Variants in MIDEAS observed in about 807,000 individuals in gnomAD.
MIDEAS encodes the protein mitotic deacetylase-associated SANT domain protein.
A neutral mutation model predicts 102.7 loss-of-function variants in MIDEAS; 26 were observed. The ratio of observed to expected loss-of-function variants is 0.25; its 90% CI spans 0.19 to 0.35. The LOEUF (loss-of-function observed/expected upper bound fraction) is 0.35. Among genes scored for constraint, MIDEAS ranks in the 10% least tolerant of loss-of-function variants. The probability of loss-of-function intolerance (pLI) is 1.00; values close to 1 mark genes in which losing one functional copy is unlikely to be tolerated. For missense variants in MIDEAS, 1,231 were observed against 1,435.6 expected (o/e 0.86, Z 2.30); for synonymous variants, 585 against 591.0 (o/e 0.99, Z 0.15).
intron 1 of MIDEAS, among the ~76,000 whole-genome samples, chr14:73,756,253 C>T (rs963156804): frequency 1.4e-5 from 2 of 146,026 alleles, no homozygotes; most frequent in Admixed American, 1.4e-4. Flanking sequence ...TGTGTGACTG[C>T]GAGAGCCCAT....
chr14:73,761,173 G>A (rs1158038649), upstream of MIDEAS, among the ~76,000 whole-genome samples: 1 of 152,154 alleles, frequency 6.6e-6, no homozygotes, highest in African/African-American at 2.4e-5. Context: ...AAAAACCACC[G>A]AAGAATACCA....
At position 73,725,583 on chromosome 14, in the gene MIDEAS, GAT is replaced by G. The variant is rs2053050349; in HGVS notation, c.2486-225_2486-224del. Among the ~76,000 whole-genome samples the G allele has an allele frequency of 6.6e-6, 1 of 152,222 alleles. No individual in the cohort carries two copies. Among genetic ancestry groups the G allele is most frequent in the African/African-American group, 2.4e-5 (1 of 41,464 alleles). Reference sequence around the variant, plus strand: ...ACCAGCTGTGGTGAGGATTAAATAAGATAATGCATGTGAAACCCTTGGTGCTC... The same window carrying G: ...ACCAGCTGTGGTGAGGATTAAATAAGAATGCATGTGAAACCCTTGGTGCTC... On this transcript the variant is annotated intron_variant, in intron 8 of 12. Transcript: ENST00000423556. The surrounding 1 kb of genome is among the most constrained non-coding windows in gnomAD (Gnocchi z 4.1).
chr14:73,737,342 A>T (rs1479571591), intron 2 of MIDEAS, 45 bp from the exon 3 acceptor site: 4 of 1,568,890 alleles, frequency 2.5e-6, no homozygotes. Flanking sequence ...GGTAAGTCAT[A>T]GCCAGGCGCA....
chr14:73,782,427 A>G (rs1459533563), intron 1 of MIDEAS, among the ~76,000 whole-genome samples: 1 of 152,204 alleles, frequency 6.6e-6, no homozygotes, highest in African/African-American at 2.4e-5. Flanking sequence ...GTGCAGTGGC[A>G]TGCAATCCTC....
chr14:73,720,772 G>A (rs2052978854), intron 11 of MIDEAS, among the ~76,000 whole-genome samples: 1 of 152,206 alleles, frequency 6.6e-6, no homozygotes, highest in African/African-American at 2.4e-5. Context: ...CCCATCTGCA[G>A]AGTAGAGGTT....
chr14:73,737,773 CTTTTTTTTTTT>C (rs5809628), intron 2 of MIDEAS, among the ~76,000 whole-genome samples: 8,721 of 89,578 alleles, frequency 0.097, 996 homozygotes, highest in African/African-American at 0.31. Flanking sequence ...TCTCCGACCA[CTTTTTTTTTTT>C]TTTTTTTTTT....
At position 73,718,910 on chromosome 14, in the gene MIDEAS, G is replaced by T; in HGVS notation, c.3233C>A (p.Ala1078Asp). ...CTGGTGGGCGGCGGCGGCGGCAGCA[G>T]CGGCCTCTTTCTCCTTCAGCCTCAG... Reference protein sequence around the residue: ...AALRLKEKEAAAAAAAAHQQA... With the variant: ...AALRLKEKEADAAAAAAHQQA... The change falls in exon 13 of 13, where the codon GCT (alanine) becomes GAT (aspartate). Residue 1078 changes from alanine to aspartate, a missense_variant. Physicochemically the swap from Ala to Asp is moderately radical, Grantham distance 126 (BLOSUM62 -2). Transcript: ENST00000423556. 1 of 1,523,926 alleles carries T rather than the reference G, an allele frequency of 6.6e-7. No individual in the cohort carries two copies. The highest frequency in any genetic ancestry group is 1.4e-5 in the African/African-American group (1 of 71,998). The allele number at this position is 1,523,926 out of a possible 1,614,324, so 94.4% of individuals were successfully genotyped here.
At chr14:73,785,373 G>C (rs147089120) in intron 1 of MIDEAS, among the ~76,000 whole-genome samples, 1 of 152,168 alleles carries the variant, frequency 6.6e-6, no homozygotes, top group East Asian at 1.9e-4. Context: ...GCTCTGGTCT[G>C]TGCCACAGTC....
rs768514814 is a variant in MIDEAS, at chr14:73,727,508, G to T, written c.2112C>A (p.Thr704=). The change falls in exon 5 of 13, where the codon ACC becomes ACA. Residue 704 remains threonine (T), a synonymous_variant. Coordinates refer to ENST00000423556, the MANE Select transcript of MIDEAS (RefSeq NM_001367710.1). ...TLLRTNSAEV[T]PPVLSVMGEA... ...CCCCCATCACAGAGAGGACAGGCGG[G>T]GTTACTTCAGCACTGTCTATGGGAC... 2.5e-6 allele frequency: 4 copies of T among 1,612,508 alleles called. No individual in the cohort carries two copies. The highest frequency in any genetic ancestry group is 3.4e-6 in the Non-Finnish European group (4 of 1,179,376).
intron 1 of MIDEAS, among the ~76,000 whole-genome samples, chr14:73,750,089 TC>T (rs796629817): frequency 7.9e-5 from 12 of 152,294 alleles, no homozygotes; most frequent in African/African-American, 2.9e-4. Flanking sequence ...AAAAGACAGA[TC>T]CTTCCCAAAA....
At chr14:73,787,241 C>G (rs1314384776) in exon 1 of MIDEAS, 1 of 148,912 alleles carries the variant, frequency 6.7e-6, no homozygotes, top group East Asian at 1.9e-4. Context: ...GGCTGTGCGG[C>G]CCGGGCTGTG....
chr14:73,740,665 A>C (rs2053270810), intron 1 of MIDEAS, among the ~76,000 whole-genome samples: 1 of 152,242 alleles, frequency 6.6e-6, no homozygotes, highest in Non-Finnish European at 1.5e-5. Context: ...CCTCTTACCC[A>C]GGCCCTAGCC....
At position 73,736,129 on chromosome 14, in the gene MIDEAS, G is replaced by A. The variant is rs77094503; in HGVS notation, c.1749+869C>T. 9.2e-3 allele frequency among the ~76,000 whole-genome samples: 1,398 copies of A among 151,816 alleles called. 13 individuals are homozygous for A. The highest frequency in any genetic ancestry group is 0.03 in the African/African-American group (1,245 of 41,374). ...TCTCGCCATTGCACTCCAGCCTGGA[G>A]GACAAGAGCGAAACTCTATCTCAAA... On this transcript the variant is annotated intron_variant, in intron 3 of 12. Coordinates refer to ENST00000423556, the MANE Select transcript of MIDEAS (RefSeq NM_001367710.1).
rs2053536381 is a variant in MIDEAS at position 73,759,796 on chromosome 14, G to C, written c.-281C>G. On this transcript the variant is annotated 5_prime_UTR_variant, in exon 1 of 13. Transcript: ENST00000423556. This position sits in a 1 kb window ranked among gnomAD's most constrained non-coding sequence, Gnocchi z 6.7. ...TGCCCGGGCTCCGGGCTCCGGGCTC[G>C]GCTGTCCCCCTTCCGCCGCGGGTCG... 1 of 151,476 alleles carries C rather than the reference G, an allele frequency of 6.6e-6. No individual in the cohort carries two copies. 9.4% of individuals were successfully genotyped at this position (151,476 alleles called of 1,614,324 possible).
At chr14:73,746,959 C>T (rs1204338955) in intron 1 of MIDEAS, among the ~76,000 whole-genome samples, 1 of 152,148 alleles carries the variant, frequency 6.6e-6, no homozygotes, top group African/African-American at 2.4e-5. Flanking sequence ...GCAAGGAAGC[C>T]CGTGCAGGGA....
At chr14:73,751,814 C>T (rs1263074537) in intron 1 of MIDEAS, among the ~76,000 whole-genome samples, 42 of 152,072 alleles carry the variant, frequency 2.8e-4, no homozygotes, top group East Asian at 1.9e-4. Flanking sequence ...GCAGAAGAAT[C>T]GCTTGAACCC....
intron 1 of MIDEAS, among the ~76,000 whole-genome samples, chr14:73,771,701 G>A (rs1002502357): frequency 3.9e-5 from 6 of 152,278 alleles, no homozygotes; most frequent in African/African-American, 1.4e-4. Context: ...CTCACGGCAA[G>A]ACGTGGGGTC....
chr14:73,749,226 GTTTT>G (rs893845776), intron 1 of MIDEAS, among the ~76,000 whole-genome samples: 1 of 152,194 alleles, frequency 6.6e-6, no homozygotes, highest in South Asian at 2.1e-4. Flanking sequence ...TAGGTGAACT[GTTTT>G]TTTGTTTCTT....
chr14:73,725,469 G>A lies in MIDEAS; in HGVS notation c.2486-109C>T. The stretch of plus-strand genomic sequence containing the variant: ...AGGCCATCCGCCCATGGTTTCTGCA[G>A]GCATCAGAGCCGGCTCCTCGTCCCA... On this transcript the variant is annotated intron_variant, in intron 8 of 12. Coordinates refer to ENST00000423556, the MANE Select transcript of MIDEAS (RefSeq NM_001367710.1). The surrounding 1 kb of genome is among the most constrained non-coding windows in gnomAD (Gnocchi z 4.1). The A allele has an allele frequency of 1.2e-6, 1 of 832,662 alleles. No individual in the cohort carries two copies. The highest frequency in any genetic ancestry group is 2.0e-6 in the Non-Finnish European group (1 of 492,978). 51.6% of individuals were successfully genotyped at this position (832,662 alleles called of 1,614,324 possible).
Sources: allele counts gnomAD v4.1 joint callset (sites outside exome capture counted in the v4.1 genomes callset), GRCh38; gene constraint gnomAD v4.1.1; non-coding constraint Gnocchi (gnomAD v3.1); transcripts MANE v1.5; gene names NCBI Gene and HGNC (gene_info 2026-07-23, HGNC 2026-07-21).